CAMTA1: variants seen among roughly 807,000 people sequenced by gnomAD.
CAMTA1 encodes calmodulin-binding transcription activator 1.
In CAMTA1, 27 loss-of-function variants were observed where a neutral mutation model predicts 170.9. The ratio of observed to expected loss-of-function variants is 0.16; its 90% CI spans 0.12 to 0.22. The LOEUF is 0.22. Among genes scored for constraint, CAMTA1 ranks in the 10% least tolerant of loss-of-function variants. The pLI is 1.00. For missense variants in CAMTA1, 1,619 were observed against 2,217.2 expected (o/e 0.73, Z 5.42); for synonymous variants, 833 against 891.5 (o/e 0.93, Z 1.17).
rs1449412316 is a variant in CAMTA1, at chr1:6,918,949, C to T, written c.234+93739C>T. ...CCACAGGCCACAGAGAAAGGAGAGG[C>T]GACCCTGCAAGCTAGAAGCCAAAGA... On this transcript the variant is annotated intron_variant, in intron 3 of 22. Coordinates refer to ENST00000303635, the MANE Select transcript of CAMTA1 (RefSeq NM_015215.4). This position sits in a 1 kb window ranked among gnomAD's most constrained non-coding sequence, Gnocchi z 4.0. 6.6e-6 allele frequency among the ~76,000 whole-genome samples: 1 copy of T among 152,152 alleles called. No individual in the cohort carries two copies. The highest frequency in any genetic ancestry group is 1.9e-4 in the East Asian group (1 of 5,184).
intron 6 of CAMTA1, among the ~76,000 whole-genome samples, chr1:7,622,246 G>T (rs927217963): frequency 6.6e-6 from 1 of 152,192 alleles, no homozygotes; most frequent in Non-Finnish European, 1.5e-5. Context: ...GTAGATGGGA[G>T]GATCCCCATT....
intron 6 of CAMTA1, among the ~76,000 whole-genome samples, chr1:7,573,268 G>A (rs938559093): frequency 1.3e-5 from 2 of 152,136 alleles, no homozygotes; most frequent in Non-Finnish European, 2.9e-5. Flanking sequence ...GCACACCATG[G>A]AGTTTACACA....
At chr1:7,379,236 T>G (rs965279221) in intron 5 of CAMTA1, among the ~76,000 whole-genome samples, 1 of 152,242 alleles carries the variant, frequency 6.6e-6, no homozygotes, top group East Asian at 1.9e-4. Flanking sequence ...CTTTATACCC[T>G]AGAGCACATG....
intron 1 of CAMTA1, among the ~76,000 whole-genome samples, chr1:6,787,654 A>T (rs1639801011): frequency 6.6e-6 from 1 of 152,222 alleles, no homozygotes; most frequent in African/African-American, 2.4e-5. Context: ...GCAGCAGAAG[A>T]ATCACGGATA....
At chr1:6,902,632 CTGTT>C (rs989995735) in intron 3 of CAMTA1, among the ~76,000 whole-genome samples, 8 of 152,172 alleles carry the variant, frequency 5.3e-5, no homozygotes, top group African/African-American at 7.2e-5. Flanking sequence ...TTATGCAGCT[CTGTT>C]TGTTTGTCAG....
intron 22 of CAMTA1, among the ~76,000 whole-genome samples, chr1:7,757,133 T>C (rs2096937145): frequency 6.6e-6 from 1 of 152,228 alleles, no homozygotes; most frequent in South Asian, 2.1e-4. Context: ...TCTGGAGATA[T>C]TATTTCCCAT....
At position 7,456,683 on chromosome 1, in the gene CAMTA1, G is replaced by C. The variant is rs994134361; in HGVS notation, c.439-11147G>C. Among the ~76,000 whole-genome samples, 2 of 152,244 alleles carry C rather than the reference G, an allele frequency of 1.3e-5. No homozygotes were observed. Among genetic ancestry groups the C allele is most frequent in the African/African-American group, 4.8e-5 (2 of 41,470 alleles). On this transcript the variant is annotated intron_variant, in intron 5 of 22. Transcript: ENST00000303635. This position sits in a 1 kb window ranked among gnomAD's most constrained non-coding sequence, Gnocchi z 4.9. ...GCCAGGTATCAGGACAGATTTCTGA[G>C]ACACGAAAGGTGCAGGTCTCCAGCT...
chr1:7,176,330 G>C (rs1164379011), intron 4 of CAMTA1, among the ~76,000 whole-genome samples: 3 of 152,240 alleles, frequency 2.0e-5, no homozygotes, highest in Non-Finnish European at 2.9e-5. Flanking sequence ...AAGGCATTCT[G>C]AGCTCTGTGG....
chr1:7,281,055 A>T (rs1043085412), intron 5 of CAMTA1, among the ~76,000 whole-genome samples: 6 of 152,240 alleles, frequency 3.9e-5, no homozygotes, highest in Non-Finnish European at 5.9e-5. Flanking sequence ...TTCTGCAGAA[A>T]AATTATGAGC....
At chr1:7,142,920 A>G (rs1051928529) in intron 4 of CAMTA1, among the ~76,000 whole-genome samples, 1 of 152,182 alleles carries the variant, frequency 6.6e-6, no homozygotes, top group African/African-American at 2.4e-5. Context: ...ATTGGCTTTC[A>G]TGGTGCTTTT....
At chr1:7,236,604 T>G (rs1242284360) in intron 4 of CAMTA1, among the ~76,000 whole-genome samples, 1 of 152,188 alleles carries the variant, frequency 6.6e-6, no homozygotes, top group African/African-American at 2.4e-5. Context: ...GCCCTAAGCC[T>G]TCTCACCCTG....
At chr1:7,000,174 G>A (rs945516171) in intron 3 of CAMTA1, among the ~76,000 whole-genome samples, 7 of 152,178 alleles carry the variant, frequency 4.6e-5, no homozygotes, top group African/African-American at 1.7e-4. Flanking sequence ...TGGGGAGCTG[G>A]GCCACCGAAA....
At chr1:7,153,091 C>A (rs988585042) in intron 4 of CAMTA1, among the ~76,000 whole-genome samples, 4 of 152,104 alleles carry the variant, frequency 2.6e-5, no homozygotes, top group African/African-American at 9.7e-5. Flanking sequence ...TATTGAATTG[C>A]GGTGGTTTGT....
At position 6,993,530 on chromosome 1, in the gene CAMTA1, T is replaced by C. The variant is rs534643496; in HGVS notation, c.235-97774T>C. ...CTCTTTATTTCTGTCAATTTTTGCT[T>C]CTTGTCTTTTGAGGCTCTGTTATTA... On this transcript the variant is annotated intron_variant, in intron 3 of 22. Coordinates refer to ENST00000303635, the MANE Select transcript of CAMTA1 (RefSeq NM_015215.4). Among the ~76,000 whole-genome samples the C allele has an allele frequency of 3.4e-3, 514 of 152,312 alleles. 2 individuals are homozygous for C. Among genetic ancestry groups the C allele is most frequent in the Middle Eastern group, 0.01 (3 of 294 alleles).
At chr1:6,999,073 A>G (rs537366059) in intron 3 of CAMTA1, among the ~76,000 whole-genome samples, 48 of 152,274 alleles carry the variant, frequency 3.2e-4, no homozygotes, top group Admixed American at 1.3e-3. Flanking sequence ...CAAAGCAATT[A>G]TGTTTCTATA....
intron 6 of CAMTA1, among the ~76,000 whole-genome samples, chr1:7,603,245 T>G (rs1388466832): frequency 6.6e-6 from 1 of 152,238 alleles, no homozygotes; most frequent in Non-Finnish European, 1.5e-5. Context: ...CCTTGTTAAC[T>G]TTCTGTCTCA....
intron 3 of CAMTA1, among the ~76,000 whole-genome samples, chr1:6,893,881 A>G (rs1275443140): frequency 6.6e-6 from 1 of 152,182 alleles, no homozygotes; most frequent in Admixed American, 6.5e-5. Context: ...TATCAAGCCC[A>G]CTCCTCACAC....
intron 3 of CAMTA1, among the ~76,000 whole-genome samples, chr1:6,937,835 T>C (rs1279359756): frequency 6.7e-6 from 1 of 148,478 alleles, no homozygotes; most frequent in Non-Finnish European, 1.5e-5. Context: ...TAACCATCAC[T>C]GTCATCACCA....
chr1:6,806,132 GAA>G (rs1451854748), intron 1 of CAMTA1, among the ~76,000 whole-genome samples: 2 of 152,174 alleles, frequency 1.3e-5, no homozygotes, highest in African/African-American at 4.8e-5. Context: ...TTTCCTCACT[GAA>G]GTGTCTTGGC....
Sources: allele counts gnomAD v4.1 joint callset (sites outside exome capture counted in the v4.1 genomes callset), GRCh38; gene constraint gnomAD v4.1.1; non-coding constraint Gnocchi (gnomAD v3.1); transcripts MANE v1.5; gene names NCBI Gene and HGNC (gene_info 2026-07-23, HGNC 2026-07-21).